KLHL1: variants seen among roughly 807,000 people sequenced by gnomAD.
KLHL1 encodes kelch-like protein 1.
Under a neutral mutation model 77.7 loss-of-function variants are expected in KLHL1, and 47 were observed. That is an observed-to-expected ratio of 0.60 (90% CI 0.48 to 0.77). KLHL1 has a LOEUF of 0.77. KLHL1 is among the 30% of genes least tolerant of loss of function. The pLI is 0.00. For missense variants in KLHL1, 925 were observed against 910.8 expected (o/e 1.02, Z -0.20); for synonymous variants, 360 against 325.2 (o/e 1.11, Z -1.15).
chr13:69,794,156 G>A (rs1459501835), intron 7 of KLHL1, among the ~76,000 whole-genome samples: 1 of 152,066 alleles, frequency 6.6e-6, no homozygotes, highest in East Asian at 1.9e-4. Context: ...AATCTTAAGA[G>A]GATTTATGTG....
intron 8 of KLHL1, among the ~76,000 whole-genome samples, chr13:69,729,353 G>GT (rs1252556750): frequency 1.3e-5 from 2 of 152,012 alleles, no homozygotes; most frequent in East Asian, 1.9e-4. Flanking sequence ...CAATTTCTTG[G>GT]TTTTTTCTTC....
intron 6 of KLHL1, among the ~76,000 whole-genome samples, chr13:69,808,730 C>G (rs1877731229): frequency 6.6e-6 from 1 of 152,092 alleles, no homozygotes; most frequent in East Asian, 1.9e-4. Flanking sequence ...AATGAAATGT[C>G]TGTAATGACA....
intron 8 of KLHL1, among the ~76,000 whole-genome samples, chr13:69,728,664 A>C (rs926975953): frequency 4.6e-5 from 7 of 150,758 alleles, no homozygotes; most frequent in African/African-American, 1.7e-4. Flanking sequence ...AAAAAAAAGC[A>C]AAGTGTGGTG....
intron 4 of KLHL1, among the ~76,000 whole-genome samples, chr13:69,889,008 C>T (rs1023148594): frequency 6.6e-6 from 1 of 151,428 alleles, no homozygotes; most frequent in Non-Finnish European, 1.5e-5. Context: ...CAGGTGAGCA[C>T]CTTAAGAGTA....
intron 1 of KLHL1, among the ~76,000 whole-genome samples, chr13:70,040,354 T>C (rs1476126311): frequency 1.3e-5 from 2 of 152,194 alleles, no homozygotes; most frequent in Admixed American, 6.6e-5. Context: ...TATCGGGCAC[T>C]ATGTTCACTA....
rs1377167439 is a variant in KLHL1 at position 69,825,751 on chromosome 13, G to T, written c.1414+13225C>A. ...AGGTGATAAAGTTTCAACTAAGGTA[G>T]TAGAAATGCTGATGTAAATCAGACA... On this transcript the variant is annotated intron_variant, in intron 6 of 10. Coordinates refer to ENST00000377844, the MANE Select transcript of KLHL1 (RefSeq NM_020866.3). 2.6e-5 allele frequency among the ~76,000 whole-genome samples: 4 copies of T among 152,144 alleles called. 1 individual carries two copies. The highest frequency in any genetic ancestry group is 5.9e-5 in the Non-Finnish European group (4 of 68,024).
chr13:70,047,777 T>C (rs1459487147), intron 1 of KLHL1, among the ~76,000 whole-genome samples: 1 of 152,216 alleles, frequency 6.6e-6, no homozygotes, highest in Non-Finnish European at 1.5e-5. Flanking sequence ...TTTGCAATTA[T>C]ATCTTATTTC....
intron 1 of KLHL1, among the ~76,000 whole-genome samples, chr13:70,098,700 A>AAT (rs1887849250): frequency 6.6e-6 from 1 of 151,764 alleles, no homozygotes; most frequent in Admixed American, 6.6e-5. Flanking sequence ...TTTAATGTTT[A>AAT]GTGTAGTGAA....
At chr13:70,012,657 T>A (rs1380009355) in intron 1 of KLHL1, among the ~76,000 whole-genome samples, 1 of 152,158 alleles carries the variant, frequency 6.6e-6, no homozygotes. Flanking sequence ...ATGCCTGTAA[T>A]CCCAGCACTT....
chr13:69,872,904 C>T (rs866975418), intron 5 of KLHL1, among the ~76,000 whole-genome samples: 6 of 152,040 alleles, frequency 3.9e-5, no homozygotes, highest in African/African-American at 1.2e-4. Flanking sequence ...TCATTAGGCC[C>T]CACCTCCAAC....
At chr13:70,036,835 C>CTTTTTTTTTTTTTTT (rs5804467) in intron 1 of KLHL1, among the ~76,000 whole-genome samples, 2 of 50,696 alleles carry the variant, frequency 3.9e-5, no homozygotes, top group East Asian at 7.0e-4. Flanking sequence ...ATGCCATGGT[C>CTTTTTTTTTTTTTTT]TTTTTTTTTT....
At chr13:69,906,042 G>A (rs9542109) in intron 4 of KLHL1, among the ~76,000 whole-genome samples, 13,774 of 152,012 alleles carry the variant, frequency 0.091, 889 homozygotes, top group Non-Finnish European at 0.14. Flanking sequence ...TAAAGTAACC[G>A]TAAAGAATTT....
chr13:69,878,717 G>T lies in KLHL1; in HGVS notation c.1227+3566C>A, dbSNP rs563803964. 7.9e-3 allele frequency among the ~76,000 whole-genome samples: 1,142 copies of T among 144,434 alleles called. 14 individuals carry two copies. Among genetic ancestry groups the T allele is most frequent in the African/African-American group, 0.027 (1,034 of 38,462 alleles). 94.8% of individuals were successfully genotyped at this position (144,434 alleles called of 152,430 possible). On this transcript the variant is annotated intron_variant, in intron 5 of 10. Transcript: ENST00000377844. ...GTATGCATATATATATATATAGAGA[G>T]AGAGAGAGAGAGAGAGAGTGAGAGA...
intron 4 of KLHL1, among the ~76,000 whole-genome samples, chr13:69,921,751 A>G (rs1882647605): frequency 6.6e-6 from 1 of 152,128 alleles, no homozygotes; most frequent in Admixed American, 6.6e-5. Context: ...TCTAGCTTTT[A>G]AAAAATTAGT....
intron 1 of KLHL1, among the ~76,000 whole-genome samples, chr13:69,977,880 G>A (rs1307041471): frequency 1.3e-5 from 2 of 152,002 alleles, no homozygotes; most frequent in Non-Finnish European, 2.9e-5. Flanking sequence ...TAGAAAATCC[G>A]AAAAAATTGA....
intron 5 of KLHL1, among the ~76,000 whole-genome samples, chr13:69,862,725 T>C (rs1382018969): frequency 7.1e-6 from 1 of 140,854 alleles, no homozygotes; most frequent in Non-Finnish European, 1.5e-5. Context: ...GATGTTTATA[T>C]AGGAAGAGGA....
intron 6 of KLHL1, among the ~76,000 whole-genome samples, chr13:69,832,585 TA>T (rs1448109703): frequency 7.4e-6 from 1 of 135,686 alleles, no homozygotes; most frequent in African/African-American, 3.1e-5. Flanking sequence ...TCATAGAACT[TA>T]AAAAAAATTC....
At chr13:69,951,249 C>T (rs1593980453) in intron 3 of KLHL1, among the ~76,000 whole-genome samples, 1 of 151,482 alleles carries the variant, frequency 6.6e-6, no homozygotes, top group East Asian at 1.9e-4. Context: ...AAGCCTTATA[C>T]ACCATGGATA....
chr13:69,820,085 T>C (rs980531826), intron 6 of KLHL1, among the ~76,000 whole-genome samples: 6 of 152,170 alleles, frequency 3.9e-5, no homozygotes, highest in African/African-American at 9.7e-5. Context: ...CATGGGCTTG[T>C]ATCTATTAAG....
Sources: gnomAD v4.1 joint callset for allele counts (sites outside exome capture counted in the v4.1 genomes callset) on GRCh38, gnomAD v4.1.1 for gene constraint, MANE v1.5 for transcripts, NCBI Gene and HGNC (gene_info 2026-07-23, HGNC 2026-07-21) for gene names.